The following PDE1A variants were observed in gnomAD, a reference collection of about 807,000 sequenced individuals.
The protein encoded by PDE1A is dual specificity calcium/calmodulin-dependent 3',5'-cyclic nucleotide phosphodiesterase 1A.
A neutral mutation model predicts 61.7 loss-of-function variants in PDE1A; 35 were observed. The ratio of observed to expected loss-of-function variants is 0.57; its 90% CI spans 0.43 to 0.75. PDE1A has a LOEUF of 0.75. PDE1A is among the 30% of genes least tolerant of loss of function. The pLI, the probability that PDE1A is intolerant of heterozygous loss-of-function variation, is 0.00. For synonymous variants in PDE1A, 232 were observed against 213.2 expected, an observed-to-expected ratio of 1.09 and a Z score of -0.77; for missense variants, 597 against 630.6, an observed-to-expected ratio of 0.95 and a Z score of 0.57.
upstream of PDE1A, among the ~76,000 whole-genome samples, chr2:182,429,188 C>A (rs926696740): frequency 6.6e-6 from 1 of 151,934 alleles, no homozygotes; most frequent in African/African-American, 2.4e-5. Flanking sequence ...ATTCACTGGG[C>A]ACAAAGAAAA....
intron 1 of PDE1A, among the ~76,000 whole-genome samples, chr2:182,309,024 C>T (rs1371273420): frequency 8.0e-6 from 1 of 124,666 alleles, no homozygotes; most frequent in Non-Finnish European, 1.9e-5. Context: ...ATTAGTCTTG[C>T]TTTAAAAAAA....
intron 1 of PDE1A, among the ~76,000 whole-genome samples, chr2:182,386,006 T>A (rs11681620): frequency 6.6e-6 from 1 of 152,046 alleles, no homozygotes; most frequent in Non-Finnish European, 1.5e-5. Flanking sequence ...ATTGCGGGCG[T>A]GTGCCGCCAC....
the PDE1A span, among the ~76,000 whole-genome samples, chr2:182,611,127 T>C: frequency 6.6e-6 from 1 of 152,166 alleles, no homozygotes; most frequent in East Asian, 1.9e-4. Flanking sequence ...CTTCTCTATC[T>C]CCCTGAACCT....
At chr2:182,283,211 G>C (rs1463984061) in intron 1 of PDE1A, among the ~76,000 whole-genome samples, 3 of 152,028 alleles carry the variant, frequency 2.0e-5, no homozygotes, top group African/African-American at 4.8e-5. Flanking sequence ...GTCCACATAT[G>C]TGTGGTCAGG....
At chr2:182,398,428 G>T (rs1397378519) in intron 1 of PDE1A, among the ~76,000 whole-genome samples, 1 of 151,854 alleles carries the variant, frequency 6.6e-6, no homozygotes, top group African/African-American at 2.4e-5. Context: ...TATACTTTTT[G>T]TACTTTGATG....
intron 1 of PDE1A, among the ~76,000 whole-genome samples, chr2:182,413,185 G>A (rs1198781562): frequency 6.6e-6 from 1 of 152,124 alleles, no homozygotes; most frequent in Non-Finnish European, 1.5e-5. Context: ...GGTATAAAGT[G>A]CTTGCAATCT....
the PDE1A span, among the ~76,000 whole-genome samples, chr2:182,569,846 G>A: frequency 3.1e-4 from 47 of 152,110 alleles, 1 homozygote; most frequent in African/African-American, 1.0e-3. Flanking sequence ...ACCTTCTTTC[G>A]ATACTACTCT....
At chr2:182,693,977 G>A in the PDE1A span, among the ~76,000 whole-genome samples, 1 of 152,038 alleles carries the variant, frequency 6.6e-6, no homozygotes, top group African/African-American at 2.4e-5. Flanking sequence ...AAACAAAGCT[G>A]TTTAATTCTG....
chr2:182,599,024 C>T, the PDE1A span, among the ~76,000 whole-genome samples: 2 of 152,344 alleles, frequency 1.3e-5, no homozygotes, highest in Non-Finnish European at 1.5e-5. Flanking sequence ...GCTGGGGCTT[C>T]ATGCTCCATG....
chr2:182,448,820 A>T (rs1310741509), intron 2 of PDE1A, among the ~76,000 whole-genome samples: 1 of 152,042 alleles, frequency 6.6e-6, no homozygotes. Context: ...AGATACAAAC[A>T]TAAGTTATGG....
chr2:182,665,621 A>G, the PDE1A span, among the ~76,000 whole-genome samples: 4 of 152,164 alleles, frequency 2.6e-5, no homozygotes, highest in African/African-American at 7.2e-5. Flanking sequence ...GTTGGTGGGA[A>G]TGTAAATTAG....
the PDE1A span, among the ~76,000 whole-genome samples, chr2:182,690,449 T>C: frequency 1.3e-5 from 2 of 152,196 alleles, no homozygotes; most frequent in Non-Finnish European, 2.9e-5. Context: ...TCTCAATAGA[T>C]GCAGAAAAGG....
intron 2 of PDE1A, among the ~76,000 whole-genome samples, chr2:182,517,267 A>T (rs1265087132): frequency 6.6e-6 from 1 of 152,206 alleles, no homozygotes; most frequent in Non-Finnish European, 1.5e-5. Flanking sequence ...GTAAGAATAC[A>T]AATATGTTAT....
intron 2 of PDE1A, among the ~76,000 whole-genome samples, chr2:182,449,001 T>C (rs1187525622): frequency 6.7e-6 from 1 of 150,118 alleles, no homozygotes; most frequent in Non-Finnish European, 1.5e-5. Flanking sequence ...AAATAATAAG[T>C]ATTGGAGATT....
At chr2:182,651,301 C>G in the PDE1A span, among the ~76,000 whole-genome samples, 5 of 152,206 alleles carry the variant, frequency 3.3e-5, no homozygotes. Context: ...GCCACCACAC[C>G]TGGCCTTGTA....
At chr2:182,522,358 C>G (rs1187313277) in exon 2 of PDE1A, 9 of 1,613,570 alleles carry the variant, frequency 5.6e-6, no homozygotes, top group Non-Finnish European at 7.6e-6. Flanking sequence ...TCTTCAATCT[C>G]TGTGGCACTA....
At chr2:182,691,217 A>G in the PDE1A span, among the ~76,000 whole-genome samples, 3 of 152,124 alleles carry the variant, frequency 2.0e-5, no homozygotes, top group South Asian at 2.1e-4. Flanking sequence ...AGCCCACATC[A>G]CCAAGTCAAT....
At chr2:182,679,332 C>T in the PDE1A span, among the ~76,000 whole-genome samples, 5 of 150,330 alleles carry the variant, frequency 3.3e-5, no homozygotes, top group African/African-American at 4.9e-5. Flanking sequence ...TACAGGCGCC[C>T]GCCACCATGC....
At chr2:182,330,542 G>A (rs887403685) in intron 1 of PDE1A, among the ~76,000 whole-genome samples, 9 of 151,880 alleles carry the variant, frequency 5.9e-5, no homozygotes, top group Non-Finnish European at 1.2e-4. Flanking sequence ...ACCCTTATGT[G>A]CAAGCCCTTC....
Sources: allele counts gnomAD v4.1 joint callset (sites outside exome capture counted in the v4.1 genomes callset), GRCh38; gene constraint gnomAD v4.1.1; transcripts MANE v1.5; gene names NCBI Gene and HGNC (gene_info 2026-07-23, HGNC 2026-07-21).